Variants in SSPN observed in about 807,000 individuals in gnomAD.
SSPN encodes the protein K-ras oncogene-associated protein.
Under a neutral mutation model 19.1 loss-of-function variants are expected in SSPN, and 15 were observed. That is an observed-to-expected ratio of 0.78 (90% CI 0.52 to 1.21). The LOEUF is 1.21. SSPN is among the 50% of genes most tolerant of loss of function. The pLI, the probability that SSPN is intolerant of heterozygous loss-of-function variation, is 0.00. For missense variants in SSPN, 291 were observed against 314.0 expected (o/e 0.93, Z 0.55); for synonymous variants, 147 against 140.3 (o/e 1.05, Z -0.34).
intron 1 of SSPN, chr12:26,125,003 C>A: frequency 1.6e-6 from 1 of 628,406 alleles, no homozygotes; most frequent in Non-Finnish European, 2.9e-6. Flanking sequence ...GGCCCCACTG[C>A]GCTGGTAGTT....
chr12:26,183,156 G>A lies in SSPN; in HGVS notation c.-30-41137G>A, dbSNP rs527658448. On this transcript the variant is annotated intron_variant, in intron 1 of 2. Coordinates refer to the SSPN transcript ENST00000538142. ...TTCCTGAAGAAGGTCTAAGTCATAG[G>A]TATTTAAAAAGAGAAACATGGGTGA... Among the ~76,000 whole-genome samples, 52 of 152,248 alleles carry A rather than the reference G, an allele frequency of 3.4e-4. 1 individual carries two copies. The South Asian group carries it at 8.3e-3, about 24-fold the overall frequency.
At chr12:26,132,185 G>A (rs1362383819) in intron 1 of SSPN, among the ~76,000 whole-genome samples, 2 of 152,140 alleles carry the variant, frequency 1.3e-5, no homozygotes, top group Non-Finnish European at 2.9e-5. Context: ...CAGACACAAG[G>A]GTAAGGGTGT....
rs899840421 is a variant in SSPN at position 26,232,200 on chromosome 12, A to T, written c.*1124A>T. 6 of 985,362 alleles carry T rather than the reference A, an allele frequency of 6.1e-6. No homozygotes were observed. In the African/African-American group the frequency reaches 7.0e-5, roughly 11 times the overall value. The allele number at this position is 985,362 out of a possible 1,614,324, so 61.0% of individuals were successfully genotyped here. On this transcript the variant is annotated 3_prime_UTR_variant, in exon 3 of 3. Coordinates refer to ENST00000242729, the MANE Select transcript of SSPN (RefSeq NM_005086.5). ...CCATTCATGAAACTGTATTTGATAC[A>T]TAATCCTATTATTAATTCGTATGCT...
intron 1 of SSPN, among the ~76,000 whole-genome samples, 188 bp downstream of exon 1, chr12:26,196,139 G>C (rs897576196): frequency 1.7e-4 from 26 of 152,334 alleles, no homozygotes; most frequent in African/African-American, 6.3e-4. Context: ...GACGCGATAG[G>C]GCTCCTGCCC....
rs1944938067 is a variant in SSPN at position 26,207,151 on chromosome 12, G to A, written c.279+11200G>A. Reference sequence around the variant, plus strand: ...TGACTCCAGCTTTGGAGTAAGGGTAGAATTCTGGCTCTACTAATGTAGAAT... The same window carrying A: ...TGACTCCAGCTTTGGAGTAAGGGTAAAATTCTGGCTCTACTAATGTAGAAT... On this transcript the variant is annotated intron_variant, in intron 1 of 2. Transcript: ENST00000242729. Among the ~76,000 whole-genome samples, 3 of 152,188 alleles carry A rather than the reference G, an allele frequency of 2.0e-5. No homozygotes were observed. The South Asian group carries it at 6.2e-4, about 32-fold the overall frequency.
intron 1 of SSPN, among the ~76,000 whole-genome samples, chr12:26,198,223 G>A (rs965207180): frequency 4.6e-5 from 7 of 152,112 alleles, no homozygotes; most frequent in Non-Finnish European, 1.0e-4. Context: ...GAATGCAGTG[G>A]CACGATTTTG....
At chr12:26,230,689 G>A (rs370326668) in intron 2 of SSPN, 22 bp from the exon 3 acceptor site, 68 of 1,581,880 alleles carry the variant, frequency 4.3e-5, no homozygotes, top group Non-Finnish European at 5.5e-5. Flanking sequence ...AACCAGAAAG[G>A]TTTTCTTCTG....
chr12:26,205,200 T>C (rs541648930), intron 1 of SSPN, among the ~76,000 whole-genome samples: 5 of 152,228 alleles, frequency 3.3e-5, no homozygotes, highest in Non-Finnish European at 4.4e-5. Context: ...CTGAGAGAGG[T>C]GGTGAGAAAC....
intron 2 of SSPN, among the ~76,000 whole-genome samples, chr12:26,228,893 C>G (rs1049670103): frequency 2.0e-5 from 3 of 152,110 alleles, no homozygotes; most frequent in African/African-American, 7.2e-5. Flanking sequence ...CGGCTCTAAT[C>G]TCAATACTTT....
At chr12:26,155,304 A>C (rs1236284318) in intron 1 of SSPN, among the ~76,000 whole-genome samples, 1 of 152,204 alleles carries the variant, frequency 6.6e-6, no homozygotes, top group Non-Finnish European at 1.5e-5. Context: ...AGAGGGTGAA[A>C]ATTAAAGAAG....
intron 1 of SSPN, chr12:26,123,623 GA>G: frequency 6.2e-7 from 1 of 1,604,626 alleles, no homozygotes; most frequent in Non-Finnish European, 8.5e-7. Flanking sequence ...TCCCTGAACT[GA>G]CTTACCATTC....
At chr12:26,183,227 T>G (rs1203385802) in intron 1 of SSPN, among the ~76,000 whole-genome samples, 2 of 152,232 alleles carry the variant, frequency 1.3e-5, no homozygotes, top group African/African-American at 4.8e-5. Flanking sequence ...TGATAACCCC[T>G]TGTACTTTTA....
At chr12:26,224,687 T>C (rs577386691) in intron 2 of SSPN, among the ~76,000 whole-genome samples, 5 of 151,784 alleles carry the variant, frequency 3.3e-5, no homozygotes, top group Non-Finnish European at 7.4e-5. Flanking sequence ...AAGGTATCTC[T>C]TTCAGTGCCC....
chr12:26,201,145 G>A (rs1305984992), intron 1 of SSPN, among the ~76,000 whole-genome samples: 3 of 150,282 alleles, frequency 2.0e-5, no homozygotes, highest in Non-Finnish European at 4.4e-5. Flanking sequence ...GGGAGGCCAA[G>A]GCAGGCAAAT....
intron 1 of SSPN, among the ~76,000 whole-genome samples, chr12:26,223,042 A>C (rs1945139314): frequency 6.6e-6 from 1 of 152,188 alleles, no homozygotes; most frequent in Admixed American, 6.5e-5. Context: ...GATTAGCAAA[A>C]TAATACCCTG....
At position 26,195,642 on chromosome 12, in the gene SSPN, C is replaced by CT; in HGVS notation, c.-31_-30insT. The CT allele has an allele frequency of 8.8e-6, 8 of 907,454 alleles. No individual in the cohort carries two copies. The highest frequency in any genetic ancestry group is 1.1e-5 in the Non-Finnish European group (8 of 720,006). The allele number at this position is 907,454 out of a possible 1,614,324, so 56.2% of individuals were successfully genotyped here. ...TCCAGGGCCCAGGGCGCCGCACACG[C>CT]ACCCACCCACCCACCCAGCCTCGCA... On this transcript the variant is annotated 5_prime_UTR_variant, in exon 1 of 3. Transcript: ENST00000242729.
intron 1 of SSPN, among the ~76,000 whole-genome samples, chr12:26,137,652 ATATATTTTT>A (rs1191861848): frequency 1.9e-5 from 1 of 51,642 alleles, no homozygotes; most frequent in African/African-American, 8.7e-5. Context: ...ATATATATAT[ATATATTTTT>A]TTTTTTTTTT....
chr12:26,155,351 A>G (rs1273470502), intron 1 of SSPN, among the ~76,000 whole-genome samples: 1 of 152,234 alleles, frequency 6.6e-6, no homozygotes, highest in Non-Finnish European at 1.5e-5. Context: ...GCCGCAGATG[A>G]CAAAGATGGG....
chr12:26,123,586 G>T, intron 1 of SSPN: 1 of 1,388,702 alleles, frequency 7.2e-7, no homozygotes, highest in Non-Finnish European at 1.0e-6. Context: ...CCTGTGGGCT[G>T]CCCCGCTTCA....
Sources: gnomAD v4.1 joint callset for allele counts (sites outside exome capture counted in the v4.1 genomes callset) on GRCh38, gnomAD v4.1.1 for gene constraint, MANE v1.5 for transcripts, NCBI Gene and HGNC (gene_info 2026-07-23, HGNC 2026-07-21) for gene names.